SV2B: variants seen among roughly 807,000 people sequenced by gnomAD.
SV2B encodes synaptic vesicle glycoprotein 2B, also known as solute carrier family 22 member B2.
SV2B carries 41 observed loss-of-function variants against 73.9 expected under a neutral mutation model. The ratio of observed to expected loss-of-function variants is 0.56; its 90% CI spans 0.43 to 0.72. The LOEUF (loss-of-function observed/expected upper bound fraction) is 0.72. Ranked by LOEUF, SV2B falls within the 30% of genes least tolerant of loss-of-function variation. SV2B has a pLI of 0.00. For synonymous variants in SV2B, 314 were observed against 314.2 expected (o/e 1.00, Z 0.01); for missense variants, 764 against 857.8 (o/e 0.89, Z 1.37).
intron 2 of SV2B, among the ~76,000 whole-genome samples, chr15:91,250,953 C>A (rs78413762): frequency 0.095 from 14,429 of 152,156 alleles, 727 homozygotes; most frequent in Middle Eastern, 0.11. Context: ...ATAGGAAAAA[C>A]ATCCTAAAAT....
intron 1 of SV2B, among the ~76,000 whole-genome samples, chr15:91,150,503 C>G (rs2043281755): frequency 6.6e-6 from 1 of 152,192 alleles, no homozygotes; most frequent in Non-Finnish European, 1.5e-5. Context: ...GCAAATAAAA[C>G]TTGGCTCTCT....
rs992939017 is a variant in SV2B, at chr15:91,252,079, C to G, written c.632+80C>G. ...CTGGTATTCTAGCTCCAAGAGGTAACTCTAGAAACCCTTGGACTGACTGAG... is the reference window on the plus strand; with the variant it reads ...CTGGTATTCTAGCTCCAAGAGGTAAGTCTAGAAACCCTTGGACTGACTGAG... On this transcript the variant is annotated intron_variant, in intron 3 of 12. Coordinates refer to ENST00000394232, the MANE Select transcript of SV2B (RefSeq NM_001323032.3). The surrounding 1 kb of genome is among the most constrained non-coding windows in gnomAD (Gnocchi z 4.6). 4.6e-6 allele frequency: 7 copies of G among 1,529,362 alleles called. No individual in the cohort carries two copies. The African/African-American group carries it at 9.7e-5, about 21-fold the overall frequency. 94.7% of individuals were successfully genotyped at this position (1,529,362 alleles called of 1,614,324 possible). A position where few individuals can be genotyped will look rare whatever the true frequency, so the allele number is the denominator to read the frequency against.
At chr15:91,292,342 A>G in intron 12 of SV2B, 27 bp from the exon 13 acceptor site, 6 of 1,606,088 alleles carry the variant, frequency 3.7e-6, no homozygotes, top group Non-Finnish European at 4.3e-6. Context: ...TCAGAATGTC[A>G]GAATTATTTC....
At position 91,136,176 on chromosome 15, in the gene SV2B, T is replaced by C. The variant is rs1164226781; in HGVS notation, c.-392+35813T>C. On this transcript the variant is annotated intron_variant, in intron 1 of 12. Transcript: ENST00000394232. The surrounding 1 kb of genome is among the most constrained non-coding windows in gnomAD (Gnocchi z 5.6). ...CTGGGAATCCCAGATTAAATGCCAC[T>C]GGTCTCTGATATGCCAAAGAGGGGC... Among the ~76,000 whole-genome samples the C allele has an allele frequency of 6.6e-6, 1 of 152,258 alleles. No homozygotes were observed. Among genetic ancestry groups the C allele is most frequent in the Non-Finnish European group, 1.5e-5 (1 of 68,038 alleles).
rs537326604 is a variant in SV2B at position 91,258,137 on chromosome 15, C to T, written c.785-284C>T. Reference sequence around the variant, plus strand: ...GAGGCTCTGTAAATGTCAGGCCAGGCCTGGACCTGGGGATTTGTCAGAATG... The same window carrying T: ...GAGGCTCTGTAAATGTCAGGCCAGGTCTGGACCTGGGGATTTGTCAGAATG... On this transcript the variant is annotated intron_variant, in intron 4 of 12. Coordinates refer to ENST00000394232, the MANE Select transcript of SV2B (RefSeq NM_001323032.3). The surrounding 1 kb of genome is among the most constrained non-coding windows in gnomAD (Gnocchi z 4.7). Among the ~76,000 whole-genome samples, 2 of 152,324 alleles carry T rather than the reference C, an allele frequency of 1.3e-5. No homozygotes were observed. The highest frequency in any genetic ancestry group is 1.3e-4 in the Admixed American group (2 of 15,292).
rs1243068270 is a variant in SV2B at position 91,234,522 on chromosome 15, T to C, written c.451+7808T>C. 6.6e-6 allele frequency among the ~76,000 whole-genome samples: 1 copy of C among 152,220 alleles called. No homozygotes were observed. The highest frequency in any genetic ancestry group is 2.4e-5 in the African/African-American group (1 of 41,460). On this transcript the variant is annotated intron_variant, in intron 2 of 12. Coordinates refer to ENST00000394232, the MANE Select transcript of SV2B (RefSeq NM_001323032.3). This position sits in a 1 kb window ranked among gnomAD's most constrained non-coding sequence, Gnocchi z 5.6. The stretch of plus-strand genomic sequence containing the variant: ...GAACAGTCTGACCTATGTAGACCTG[T>C]GGTACTGGCTAGTTCATTGTGGCAT...
chr15:91,210,486 G>A (rs962929177), intron 1 of SV2B, among the ~76,000 whole-genome samples: 1 of 152,158 alleles, frequency 6.6e-6, no homozygotes, highest in Non-Finnish European at 1.5e-5. Flanking sequence ...TAAAGTCAGA[G>A]CAGAGGCAAA....
In SV2B at chr15:91,258,396, C is replaced by G. The variant is rs780698716; in HGVS notation, c.785-25C>G. ...GAGGAAAAGATCATGTCCCAGAAAT[C>G]CTTTGACTGACTGCTCCTTTGCAGG... On this transcript the variant is annotated intron_variant, in intron 4 of 12. Transcript: ENST00000394232. This position sits in a 1 kb window ranked among gnomAD's most constrained non-coding sequence, Gnocchi z 4.7. 1 of 1,613,034 alleles carries G rather than the reference C, an allele frequency of 6.2e-7. No individual in the cohort carries two copies. Among genetic ancestry groups the G allele is most frequent in the South Asian group, 1.1e-5 (1 of 90,820 alleles).
In SV2B at chr15:91,284,372, A is replaced by G. The variant is rs1327178911; in HGVS notation, c.1708+151A>G. 1.2e-6 allele frequency: 1 copy of G among 834,464 alleles called. No individual in the cohort carries two copies. The highest frequency in any genetic ancestry group is 1.7e-5 in the African/African-American group (1 of 58,368). 51.7% of individuals were successfully genotyped at this position (834,464 alleles called of 1,614,324 possible). A position where few individuals can be genotyped will look rare whatever the true frequency, so the allele number is the denominator to read the frequency against. On this transcript the variant is annotated intron_variant, in intron 11 of 12. Coordinates refer to ENST00000394232, the MANE Select transcript of SV2B (RefSeq NM_001323032.3). The surrounding 1 kb of genome is among the most constrained non-coding windows in gnomAD (Gnocchi z 4.5). ...TGCACCCAGGGCTATAGAGCCAAGG[A>G]TGTGTGCCTACAGAAGACTCCAGGG...
chr15:91,208,868 A>G (rs1464178574), intron 1 of SV2B, among the ~76,000 whole-genome samples: 2 of 152,130 alleles, frequency 1.3e-5, no homozygotes, highest in Non-Finnish European at 2.9e-5. Flanking sequence ...TCATTTCAGT[A>G]TCCACGGACA....
At chr15:91,266,413 A>C (rs1286765616) in intron 6 of SV2B, among the ~76,000 whole-genome samples, 169 bp from the exon 7 acceptor site, 1 of 152,176 alleles carries the variant, frequency 6.6e-6, no homozygotes, top group Non-Finnish European at 1.5e-5. Context: ...TGAAAAGTTT[A>C]TTGGAGGAGG....
In SV2B at chr15:91,236,920, A is replaced by G. The variant is rs545438323; in HGVS notation, c.451+10206A>G. Among the ~76,000 whole-genome samples, 6 of 151,618 alleles carry G rather than the reference A, an allele frequency of 4.0e-5. No homozygotes were observed. Among genetic ancestry groups the G allele is most frequent in the South Asian group, 2.1e-4 (1 of 4,784 alleles). ...GATCTTTAAATGTGATCTTTCCAAC[A>G]TGGCAGCTCCAGGGTAGCTGGATTT... is the stretch of plus-strand genomic sequence containing the variant. On this transcript the variant is annotated intron_variant, in intron 2 of 12. Transcript: ENST00000394232. The surrounding 1 kb of genome is among the most constrained non-coding windows in gnomAD (Gnocchi z 4.1).
chr15:91,214,179 G>C lies in SV2B; in HGVS notation c.-391-11694G>C, dbSNP rs1163125996. ...GGGAGCTGGCATGGACTGGTGGAGT[G>C]GGGTAGTGGTGACCCCAACCTGGGG... On this transcript the variant is annotated intron_variant, in intron 1 of 12. Transcript: ENST00000394232. The surrounding 1 kb of genome is among the most constrained non-coding windows in gnomAD (Gnocchi z 4.7). Among the ~76,000 whole-genome samples, 1 of 152,200 alleles carries C rather than the reference G, an allele frequency of 6.6e-6. No homozygotes were observed. The highest frequency in any genetic ancestry group is 1.5e-5 in the Non-Finnish European group (1 of 68,036).
chr15:91,156,531 T>C (rs1425758467), intron 1 of SV2B, among the ~76,000 whole-genome samples: 1 of 152,150 alleles, frequency 6.6e-6, no homozygotes, highest in African/African-American at 2.4e-5. Flanking sequence ...GGTATGGTAA[T>C]GGGAGAAAGT....
intron 1 of SV2B, among the ~76,000 whole-genome samples, chr15:91,211,801 C>CTTTTT (rs775815258): frequency 7.2e-4 from 76 of 105,970 alleles, no homozygotes; most frequent in African/African-American, 1.2e-3. Context: ...CTCGCCTGGG[C>CTTTTT]TTTTTTTTTT....
At chr15:91,145,780 T>A (rs1411913582) in intron 1 of SV2B, among the ~76,000 whole-genome samples, 1 of 152,320 alleles carries the variant, frequency 6.6e-6, no homozygotes, top group East Asian at 1.9e-4. Context: ...TGGCTGCATT[T>A]ATGTCTTCTT....
chr15:91,173,704 A>G (rs1203742070), intron 1 of SV2B, among the ~76,000 whole-genome samples: 1 of 152,212 alleles, frequency 6.6e-6, no homozygotes, highest in African/African-American at 2.4e-5. Flanking sequence ...AATGACTGGA[A>G]GTTCTTCAAC....
At chr15:91,148,929 C>G (rs2043226110) in intron 1 of SV2B, among the ~76,000 whole-genome samples, 1 of 152,176 alleles carries the variant, frequency 6.6e-6, no homozygotes, top group Non-Finnish European at 1.5e-5. Flanking sequence ...TCCACTAATT[C>G]AAATGTTAAT....
intron 1 of SV2B, among the ~76,000 whole-genome samples, chr15:91,219,624 T>C (rs1312260504): frequency 1.3e-5 from 2 of 152,218 alleles, no homozygotes; most frequent in Non-Finnish European, 2.9e-5. Flanking sequence ...TTTATTGAGG[T>C]ATATTTTATA....
Sources: gnomAD v4.1 joint callset for allele counts (sites outside exome capture counted in the v4.1 genomes callset) on GRCh38, gnomAD v4.1.1 for gene constraint, Gnocchi (gnomAD v3.1) non-coding constraint, MANE v1.5 for transcripts, NCBI Gene and HGNC (gene_info 2026-07-23, HGNC 2026-07-21) for gene names.